Variants in DCP1A observed in about 807,000 individuals in gnomAD.
The protein encoded by DCP1A is decapping mRNA 1A.
In DCP1A, 20 loss-of-function variants were observed where a neutral mutation model predicts 58.0. The ratio of observed to expected loss-of-function variants is 0.34; its 90% CI spans 0.24 to 0.50. DCP1A has a LOEUF of 0.50. Ranked by LOEUF, DCP1A falls within the 20% of genes least tolerant of loss-of-function variation. DCP1A has a pLI of 0.98. For synonymous variants in DCP1A, 285 were observed against 275.1 expected (o/e 1.04, Z -0.36); for missense variants, 613 against 712.2 (o/e 0.86, Z 1.59).
chr3:53,297,598 T>G (rs1707173786), intron 6 of DCP1A, among the ~76,000 whole-genome samples: 1 of 152,126 alleles, frequency 6.6e-6, no homozygotes, highest in African/African-American at 2.4e-5. Context: ...TGACCTCAGG[T>G]GATCTGTCTG....
At chr3:53,302,916 C>A (rs1553687564) in intron 6 of DCP1A, among the ~76,000 whole-genome samples, 2 of 151,618 alleles carry the variant, frequency 1.3e-5, no homozygotes, top group African/African-American at 4.9e-5. Flanking sequence ...AGCCACTGCA[C>A]CTGGGAGTTT....
At chr3:53,296,611 C>A (rs1186331530) in intron 6 of DCP1A, among the ~76,000 whole-genome samples, 1 of 152,142 alleles carries the variant, frequency 6.6e-6, no homozygotes, top group Non-Finnish European at 1.5e-5. Flanking sequence ...TAAAACTTAC[C>A]ATTTTAACCA....
At chr3:53,344,104 A>G (rs535385445) in intron 2 of DCP1A, among the ~76,000 whole-genome samples, 1 of 152,262 alleles carries the variant, frequency 6.6e-6, no homozygotes, top group Non-Finnish European at 1.5e-5. Flanking sequence ...AATTGGCATC[A>G]ATGGAGAAAG....
chr3:53,309,161 A>G (rs1223357144), intron 5 of DCP1A, among the ~76,000 whole-genome samples: 1 of 151,712 alleles, frequency 6.6e-6, no homozygotes, highest in African/African-American at 2.4e-5. Context: ...CACGAGGTCA[A>G]GAGATTGAGA....
At chr3:53,309,540 G>A (rs1707582789) in intron 5 of DCP1A, among the ~76,000 whole-genome samples, 1 of 152,170 alleles carries the variant, frequency 6.6e-6, no homozygotes, top group South Asian at 2.1e-4. Flanking sequence ...CGGGAGGACA[G>A]CTTGAGCCCA....
intron 4 of DCP1A, among the ~76,000 whole-genome samples, chr3:53,317,821 C>T (rs1404820990): frequency 1.3e-5 from 2 of 152,116 alleles, no homozygotes. Context: ...TCATACAGAA[C>T]GATGCCCTTG....
At chr3:53,294,046 G>A (rs565229152) in intron 6 of DCP1A, among the ~76,000 whole-genome samples, 2 of 152,346 alleles carry the variant, frequency 1.3e-5, no homozygotes, top group African/African-American at 4.8e-5. Flanking sequence ...CAGCCACTGA[G>A]AGCCACACGT....
intron 4 of DCP1A, among the ~76,000 whole-genome samples, chr3:53,315,852 C>T (rs1707795506): frequency 7.4e-6 from 1 of 135,060 alleles, no homozygotes; most frequent in African/African-American, 2.7e-5. Flanking sequence ...TTCCCGGGTT[C>T]ACGCCATTCT....
At chr3:53,331,875 A>G (rs894030730) in intron 3 of DCP1A, among the ~76,000 whole-genome samples, 3 of 152,248 alleles carry the variant, frequency 2.0e-5, no homozygotes. Flanking sequence ...GAGGAAAAAC[A>G]TCTTCTAAGA....
chr3:53,326,055 T>G (rs1708095676), intron 3 of DCP1A, among the ~76,000 whole-genome samples: 1 of 152,074 alleles, frequency 6.6e-6, no homozygotes, highest in South Asian at 2.1e-4. Context: ...TATTGAACAA[T>G]GATTAAAAGA....
At chr3:53,305,595 C>T (rs2106823004) in intron 5 of DCP1A, among the ~76,000 whole-genome samples, 1 of 152,216 alleles carries the variant, frequency 6.6e-6, no homozygotes, top group African/African-American at 2.4e-5. Flanking sequence ...GGTGATTCAC[C>T]CTCCTCGGCC....
chr3:53,331,082 C>T (rs1031405698), intron 3 of DCP1A, among the ~76,000 whole-genome samples: 2 of 152,160 alleles, frequency 1.3e-5, no homozygotes, highest in African/African-American at 2.4e-5. Context: ...TGGTCTCAAA[C>T]TCCTGACCTC....
chr3:53,318,570 C>T (rs1007010048), intron 4 of DCP1A, among the ~76,000 whole-genome samples: 1 of 152,154 alleles, frequency 6.6e-6, no homozygotes, highest in Non-Finnish European at 1.5e-5. Context: ...GTCCCTCAGG[C>T]CCCCTGAAGC....
rs568045167 is a variant in DCP1A at position 53,312,448 on chromosome 3, G to A, written c.372-69C>T. 7 of 1,312,144 alleles carry A rather than the reference G, an allele frequency of 5.3e-6. No homozygotes were observed. In the African/African-American group the frequency reaches 1.1e-4, roughly 20 times the overall value. 81.3% of individuals were successfully genotyped at this position (1,312,144 alleles called of 1,614,324 possible). On this transcript the variant is annotated intron_variant, in intron 4 of 9. Transcript: ENST00000610213. ...AATCTGACCCAAGATTTCTTTTGGT[G>A]TTCATCTTCCAAGGATACACTAAGA...
intron 6 of DCP1A, among the ~76,000 whole-genome samples, chr3:53,295,923 A>T (rs763583551): frequency 1.3e-5 from 2 of 149,008 alleles, no homozygotes; most frequent in Non-Finnish European, 3.0e-5. Context: ...GACACAGTCT[A>T]GCCCTATCGC....
chr3:53,336,479 G>C (rs2089118126), intron 3 of DCP1A, among the ~76,000 whole-genome samples: 1 of 152,130 alleles, frequency 6.6e-6, no homozygotes, highest in South Asian at 2.1e-4. Flanking sequence ...ACATCCATTA[G>C]AGTCTCTAGT....
intron 3 of DCP1A, among the ~76,000 whole-genome samples, chr3:53,340,226 G>A (rs782685915): frequency 5.9e-5 from 9 of 152,080 alleles, no homozygotes; most frequent in Non-Finnish European, 1.0e-4. Flanking sequence ...TTGCCCAGCC[G>A]AATTTTCCCT....
chr3:53,308,269 G>T (rs1381807881), intron 5 of DCP1A, among the ~76,000 whole-genome samples: 1 of 151,962 alleles, frequency 6.6e-6, no homozygotes, highest in East Asian at 1.9e-4. Flanking sequence ...AAAAATAATG[G>T]TGTTCATGTT....
intron 3 of DCP1A, among the ~76,000 whole-genome samples, chr3:53,320,119 C>T (rs1195060666): frequency 6.0e-5 from 9 of 150,054 alleles, no homozygotes; most frequent in African/African-American, 1.5e-4. Context: ...CAGAGTGAGA[C>T]TCCATCTAAA....
Sources: allele counts gnomAD v4.1 joint callset (sites outside exome capture counted in the v4.1 genomes callset), GRCh38; gene constraint gnomAD v4.1.1; transcripts MANE v1.5; gene names NCBI Gene and HGNC (gene_info 2026-07-23, HGNC 2026-07-21).